PKD1L1: variants seen among roughly 807,000 people sequenced by gnomAD.
PKD1L1 encodes the protein polycystin 1 like 1, transient receptor potential channel interacting.
In PKD1L1, 236 loss-of-function variants were observed where a neutral mutation model predicts 323.4. The observed-to-expected ratio is 0.73, with a 90% CI of 0.66 to 0.81. The LOEUF (loss-of-function observed/expected upper bound fraction) is 0.81. Among genes scored for constraint, PKD1L1 ranks in the 40% least tolerant of loss-of-function variants. The pLI is 0.00. For synonymous variants in PKD1L1, 1,344 were observed against 1,335.0 expected (o/e 1.01, Z -0.15); for missense variants, 3,320 against 3,508.0 (o/e 0.95, Z 1.35).
At chr7:47,887,920 T>C in intron 17 of PKD1L1, 70 bp downstream of exon 17, 2 of 1,475,970 alleles carry the variant, frequency 1.4e-6, no homozygotes, top group Non-Finnish European at 9.2e-7. Flanking sequence ...TTTTGCAACA[T>C]TTTAGCAATC....
chr7:47,809,468 G>T lies in PKD1L1; in HGVS notation c.7686+5C>A. 2 of 1,567,960 alleles carry T rather than the reference G, an allele frequency of 1.3e-6. No individual in the cohort carries two copies. Among genetic ancestry groups the T allele is most frequent in the Non-Finnish European group, 1.7e-6 (2 of 1,149,744 alleles). The stretch of plus-strand genomic sequence containing the variant: ...TTCAAAAGAAAATGACACAAGAGAG[G>T]CTACCTCCAGCCAGTTCCTTGGCTT... On this transcript the variant is annotated splice_donor_5th_base_variant and intron_variant, in intron 51 of 56. Transcript: ENST00000289672.
intron 16 of PKD1L1, among the ~76,000 whole-genome samples, chr7:47,888,560 T>C (rs1337110383): frequency 6.6e-6 from 1 of 152,234 alleles, no homozygotes; most frequent in Non-Finnish European, 1.5e-5. Flanking sequence ...AGGGCTTGCT[T>C]CTACCAGCTG....
At chr7:47,927,490 T>A (rs975170697) in intron 7 of PKD1L1, among the ~76,000 whole-genome samples, 11 of 152,118 alleles carry the variant, frequency 7.2e-5, no homozygotes, top group African/African-American at 2.7e-4. Flanking sequence ...GGTCTCGAAC[T>A]CTTGACCTCG....
chr7:47,896,343 A>G (rs1462943239), intron 14 of PKD1L1, among the ~76,000 whole-genome samples: 3 of 151,602 alleles, frequency 2.0e-5, no homozygotes, highest in Non-Finnish European at 4.4e-5. Context: ...AAAAAAAAAA[A>G]AAAAAAAAAA....
chr7:47,836,676 C>T (rs1785463031), intron 37 of PKD1L1, among the ~76,000 whole-genome samples: 2 of 152,250 alleles, frequency 1.3e-5, no homozygotes, highest in African/African-American at 2.4e-5. Context: ...GCTGCTGGGC[C>T]TGGGCACGAG....
chr7:47,846,966 A>G lies in PKD1L1; in HGVS notation c.5066T>C (p.Ile1689Thr), dbSNP rs1226065520. 1 of 1,613,952 alleles carries G rather than the reference A, an allele frequency of 6.2e-7. No homozygotes were observed. Among genetic ancestry groups the G allele is most frequent in the Non-Finnish European group, 8.5e-7 (1 of 1,179,954 alleles). Residue 1689 changes from isoleucine to threonine, a missense_variant, in exon 32 of 57, where the codon ATC becomes ACC. Ile to Thr is a moderately conservative substitution (Grantham distance 89). Transcript: ENST00000289672. The stretch of plus-strand genomic sequence containing the variant: ...TCTCTTGTCCCAAAACAGGCATCGG[A>G]TCCACTGGAAATGTACTGTATAGTT... ...AVNYTVHFQW[I>T]RCLFWDKREW...
rs140257069 is a variant in PKD1L1 at position 47,845,066 on chromosome 7, G to A, written c.5166C>T (p.Leu1722=). The A allele has an allele frequency of 2.1e-5, 34 of 1,613,526 alleles. No homozygotes were observed. Among genetic ancestry groups the A allele is most frequent in the South Asian group, 3.3e-5 (3 of 90,936 alleles). ...TTCTCCTTAGGAGAGCGAATGCCGC[G>A]AGGCGATGGTAGCTAGGAGGGAAAT... is the stretch of plus-strand genomic sequence containing the variant. The part of the protein sequence containing the change: ...PEKVNCSYHR[L]AAFALLRRKL... The change falls in exon 33 of 57, where the codon CTC becomes CTT. Residue 1722 remains leucine, a synonymous_variant. Transcript: ENST00000289672.
At chr7:47,913,663 T>G (rs117418905) in intron 8 of PKD1L1, among the ~76,000 whole-genome samples, 3 of 152,286 alleles carry the variant, frequency 2.0e-5, no homozygotes, top group Non-Finnish European at 4.4e-5. Context: ...TCTGCCATGA[T>G]TGTAAGTTTC....
At chr7:47,880,026 C>T (rs997504143) in intron 21 of PKD1L1, among the ~76,000 whole-genome samples, 2 of 151,112 alleles carry the variant, frequency 1.3e-5, no homozygotes, top group African/African-American at 4.9e-5. Flanking sequence ...TCTAGAAGTT[C>T]TGCAAAACGA....
chr7:47,906,240 T>C (rs1787204291), intron 9 of PKD1L1, among the ~76,000 whole-genome samples: 1 of 152,226 alleles, frequency 6.6e-6, no homozygotes, highest in South Asian at 2.1e-4. Flanking sequence ...TGTTAATTAC[T>C]TTGATAGATG....
Position 47,827,362 on chromosome 7 carries a change from C to G in PKD1L1, c.6842G>C (p.Arg2281Pro). 6.2e-7 allele frequency: 1 copy of G among 1,611,666 alleles called. No individual in the cohort carries two copies. Among genetic ancestry groups the G allele is most frequent in the Non-Finnish European group, 8.5e-7 (1 of 1,179,058 alleles). ...RQRMRRESRT[R>P]AALRDISMDI... ...AGCCGCCACCCACCTCAGGGCAGCC[C>G]GTGTGCGACTCTCTCTCCTCATCCT... Residue 2281 changes from arginine (R) to proline (P), a missense_variant, in exon 45 of 57, where the codon CGG becomes CCG. Arg to Pro is a moderately radical substitution (Grantham distance 103). Transcript: ENST00000289672.
chr7:47,806,917 G>A (rs1297033552), intron 52 of PKD1L1, among the ~76,000 whole-genome samples: 5 of 152,092 alleles, frequency 3.3e-5, no homozygotes, highest in African/African-American at 1.2e-4. Flanking sequence ...AAACTTCAGG[G>A]CAGGCAGCTT....
intron 36 of PKD1L1, among the ~76,000 whole-genome samples, chr7:47,838,216 C>G (rs930761187): frequency 6.6e-6 from 1 of 152,206 alleles, no homozygotes; most frequent in African/African-American, 2.4e-5. Context: ...ATGTTTCTTA[C>G]TAGCTTAGCA....
rs146723893 is a variant in PKD1L1 at position 47,811,852 on chromosome 7, C to T, written c.7546G>A (p.Asp2516Asn). 10 of 1,609,034 alleles carry T rather than the reference C, an allele frequency of 6.2e-6. No individual in the cohort carries two copies. Among genetic ancestry groups the T allele is most frequent in the African/African-American group, 4.0e-5 (3 of 74,794 alleles). Reference protein sequence around the residue: ...LVESFSIFRSDSALQYHLMLP... With the variant: ...LVESFSIFRSNSALQYHLMLP... The stretch of plus-strand genomic sequence containing the variant: ...ATGAGGTGGTACTGCAGGGCTGAGT[C>T]GCTGCGGAAGATGCTGAATGACTCC... Residue 2516 changes from aspartate to asparagine, a missense_variant, in exon 50 of 57, where the codon GAC (aspartate) becomes AAC (asparagine). By Grantham distance (23) the Asp-to-Asn change is conservative. Transcript: ENST00000289672.
intron 45 of PKD1L1, among the ~76,000 whole-genome samples, chr7:47,822,624 T>G (rs1785167328): frequency 7.1e-6 from 1 of 141,742 alleles, no homozygotes; most frequent in Non-Finnish European, 1.5e-5. Flanking sequence ...AAAAAACAGC[T>G]GTGGTATTGC....
At chr7:47,930,993 A>G in intron 6 of PKD1L1, 111 bp downstream of exon 6, 2 of 1,140,710 alleles carry the variant, frequency 1.8e-6, no homozygotes, top group South Asian at 1.6e-5. Flanking sequence ...AACTGCAACT[A>G]TAATTAAAGC....
intron 47 of PKD1L1, among the ~76,000 whole-genome samples, chr7:47,814,829 T>C (rs1237292643): frequency 6.6e-6 from 1 of 152,090 alleles, no homozygotes; most frequent in African/African-American, 2.4e-5. Flanking sequence ...TTTTTAAACA[T>C]GGGAAAGGGG....
intron 14 of PKD1L1, among the ~76,000 whole-genome samples, chr7:47,896,637 C>T (rs1786942800): frequency 6.6e-6 from 1 of 152,060 alleles, no homozygotes; most frequent in Non-Finnish European, 1.5e-5. Flanking sequence ...TATTTATCTC[C>T]AAATCCCTCC....
chr7:47,877,344 A>G, intron 22 of PKD1L1, 145 bp downstream of exon 22: 2 of 1,209,396 alleles, frequency 1.7e-6, no homozygotes, highest in East Asian at 4.8e-5. Flanking sequence ...ATGCCTAACC[A>G]ACTTTCCAAC....
Sources: gnomAD v4.1 joint callset for allele counts (sites outside exome capture counted in the v4.1 genomes callset) on GRCh38, gnomAD v4.1.1 for gene constraint, MANE v1.5 for transcripts, NCBI Gene and HGNC (gene_info 2026-07-23, HGNC 2026-07-21) for gene names.